OSBPL2: variants seen among roughly 807,000 people sequenced by gnomAD.
OSBPL2 encodes the protein oxysterol binding protein like 2, also known as oxysterol-binding protein-related protein 2.
In OSBPL2, 18 loss-of-function variants were observed where a neutral mutation model predicts 58.4. The observed-to-expected ratio is 0.31, with a 90% CI of 0.21 to 0.46. The LOEUF (loss-of-function observed/expected upper bound fraction) is 0.46. Among genes scored for constraint, OSBPL2 ranks in the 20% least tolerant of loss-of-function variants. OSBPL2 has a pLI of 1.00. For missense variants in OSBPL2, 461 were observed against 616.5 expected, an observed-to-expected ratio of 0.75 and a Z score of 2.67; for synonymous variants, 221 against 234.1, an observed-to-expected ratio of 0.94 and a Z score of 0.51.
chr20:62,283,150 C>T (rs1025382040), intron 9 of OSBPL2, among the ~76,000 whole-genome samples: 2 of 152,110 alleles, frequency 1.3e-5, no homozygotes, highest in Non-Finnish European at 1.5e-5. Flanking sequence ...TTTCCAGAAC[C>T]GGGCAGGGAC....
intron 12 of OSBPL2, 49 bp from the exon 13 acceptor site, chr20:62,291,654 T>C (rs1983516729): frequency 1.3e-6 from 2 of 1,495,392 alleles, no homozygotes; most frequent in Middle Eastern, 1.7e-4. Context: ...GGTGGCGGGG[T>C]GCGGTTCTAA....
intron 3 of OSBPL2, among the ~76,000 whole-genome samples, chr20:62,260,390 G>T (rs1261289990): frequency 6.6e-6 from 1 of 152,162 alleles, no homozygotes; most frequent in Admixed American, 6.5e-5. Flanking sequence ...TCCCCTCCCT[G>T]CCCTCAGGAG....
At chr20:62,263,244 C>T (rs3818745) in intron 3 of OSBPL2, among the ~76,000 whole-genome samples, 61,441 of 152,010 alleles carry the variant, frequency 0.4, 13,374 homozygotes, top group East Asian at 0.52. Context: ...CTTACCTCTG[C>T]CTGTGGTCTG....
At chr20:62,257,851 A>G (rs1981035023) in intron 2 of OSBPL2, among the ~76,000 whole-genome samples, 1 of 151,734 alleles carries the variant, frequency 6.6e-6, no homozygotes, top group Non-Finnish European at 1.5e-5. Flanking sequence ...AGTAGCTGGG[A>G]TTACAGACGC....
intron 3 of OSBPL2, among the ~76,000 whole-genome samples, chr20:62,262,835 C>T (rs1981408183): frequency 2.0e-5 from 3 of 152,162 alleles, no homozygotes; most frequent in Non-Finnish European, 4.4e-5. Flanking sequence ...GCAGGAGAGC[C>T]CTGGGGTGTC....
chr20:62,256,563 A>G (rs551733006), intron 2 of OSBPL2, among the ~76,000 whole-genome samples: 174 of 152,306 alleles, frequency 1.1e-3, no homozygotes, highest in African/African-American at 4.1e-3. Flanking sequence ...TGCTTGATGC[A>G]TCCCATCAGA....
chr20:62,286,404 C>T (rs895015792), intron 10 of OSBPL2, 179 bp from the exon 11 acceptor site: 4 of 626,656 alleles, frequency 6.4e-6, no homozygotes, highest in Non-Finnish European at 1.1e-5. Flanking sequence ...GACCCGAGAT[C>T]GCACCATTGC....
intron 1 of OSBPL2, among the ~76,000 whole-genome samples, chr20:62,242,887 T>C (rs771056805): frequency 2.0e-5 from 3 of 152,054 alleles, no homozygotes; most frequent in Admixed American, 6.5e-5. Flanking sequence ...GACTGTAGTG[T>C]GTAGGGAGTT....
chr20:62,255,774 G>C (rs575986409), intron 1 of OSBPL2, among the ~76,000 whole-genome samples: 71 of 152,324 alleles, frequency 4.7e-4, no homozygotes, highest in Non-Finnish European at 7.4e-4. Context: ...CAAAGTGCTG[G>C]GATTACAGGC....
At chr20:62,258,379 G>A (rs1052875024) in intron 2 of OSBPL2, among the ~76,000 whole-genome samples, 2 of 152,190 alleles carry the variant, frequency 1.3e-5, no homozygotes, top group African/African-American at 4.8e-5. Context: ...AAACTAAGCA[G>A]TTATTAAATG....
At chr20:62,277,674 G>A (rs1345424698) in intron 6 of OSBPL2, among the ~76,000 whole-genome samples, 1 of 152,188 alleles carries the variant, frequency 6.6e-6, no homozygotes, top group Non-Finnish European at 1.5e-5. Flanking sequence ...ACATACCTTG[G>A]TAGTCAACCT....
chr20:62,276,355 G>A (rs999513266), intron 6 of OSBPL2, among the ~76,000 whole-genome samples: 3 of 152,222 alleles, frequency 2.0e-5, no homozygotes, highest in Non-Finnish European at 4.4e-5. Flanking sequence ...CTGCCTGTCA[G>A]ACCATTTTGG....
chr20:62,259,707 T>C (rs1489818423), intron 2 of OSBPL2, among the ~76,000 whole-genome samples: 1 of 152,166 alleles, frequency 6.6e-6, no homozygotes, highest in Non-Finnish European at 1.5e-5. Flanking sequence ...ATGAAGCTCA[T>C]GGCCTGGGAC....
intron 1 of OSBPL2, among the ~76,000 whole-genome samples, chr20:62,240,251 TTCC>T (rs1979634653): frequency 6.6e-6 from 1 of 152,178 alleles, no homozygotes; most frequent in Non-Finnish European, 1.5e-5. Flanking sequence ...TCGGTGGCAC[TTCC>T]TCCCTGCCCA....
intron 6 of OSBPL2, among the ~76,000 whole-genome samples, chr20:62,276,577 G>A (rs1982398582): frequency 6.6e-6 from 1 of 152,244 alleles, no homozygotes; most frequent in South Asian, 2.1e-4. Flanking sequence ...GGCTGGCACT[G>A]GGCAGCCGAG....
At chr20:62,266,677 C>T (rs1981687112) in intron 4 of OSBPL2, among the ~76,000 whole-genome samples, 1 of 152,236 alleles carries the variant, frequency 6.6e-6, no homozygotes, top group African/African-American at 2.4e-5. Context: ...CCCCACTTCT[C>T]TCCTCCCTCG....
In OSBPL2 at chr20:62,278,997, C is replaced by T. The variant is rs922372629; in HGVS notation, c.492-160C>T. The stretch of plus-strand genomic sequence containing the variant: ...TCTGTTGCCAACGTTAGGCCAAGTG[C>T]AATGTCGGAGAGGTGGTGTTGGGTG... On this transcript the variant is annotated intron_variant, in intron 6 of 13. Coordinates refer to ENST00000313733, the MANE Select transcript of OSBPL2 (RefSeq NM_144498.4). 59 of 598,980 alleles carry T rather than the reference C, an allele frequency of 9.9e-5. No homozygotes were observed. The African/African-American group carries it at 9.9e-4, about 10-fold the overall frequency. The allele number at this position is 598,980 out of a possible 1,614,324, so 37.1% of individuals were successfully genotyped here.
At position 62,279,453 on chromosome 20, in the gene OSBPL2, G is replaced by T. The variant is rs1017464352; in HGVS notation, c.674+114G>T. 6 of 1,098,820 alleles carry T rather than the reference G, an allele frequency of 5.5e-6. No homozygotes were observed. In the African/African-American group the frequency reaches 6.3e-5, roughly 12 times the overall value. 68.1% of individuals were successfully genotyped at this position (1,098,820 alleles called of 1,614,324 possible). On this transcript the variant is annotated intron_variant, in intron 7 of 13. Transcript: ENST00000313733. ...GAAACCCTGTCATTTTTCTCCTGAGGTGGGGACCTCCCCACAGCAGAAACG... is the reference window on the plus strand; with the variant it reads ...GAAACCCTGTCATTTTTCTCCTGAGTTGGGGACCTCCCCACAGCAGAAACG...
chr20:62,258,147 G>A (rs1378370282), intron 2 of OSBPL2, among the ~76,000 whole-genome samples: 1 of 152,180 alleles, frequency 6.6e-6, no homozygotes, highest in East Asian at 1.9e-4. Flanking sequence ...GCTCCTGCAT[G>A]GCAAGGCCTC....
Sources: gnomAD v4.1 joint callset for allele counts (sites outside exome capture counted in the v4.1 genomes callset) on GRCh38, gnomAD v4.1.1 for gene constraint, MANE v1.5 for transcripts, NCBI Gene and HGNC (gene_info 2026-07-23, HGNC 2026-07-21) for gene names.